Variants in CSMD3 observed in about 807,000 individuals in gnomAD.
The protein encoded by CSMD3 is CUB and sushi domain-containing protein 3.
A neutral mutation model predicts 435.2 loss-of-function variants in CSMD3; 177 were observed. The ratio of observed to expected loss-of-function variants is 0.41; its 90% CI spans 0.36 to 0.46. The LOEUF is 0.46. Among genes scored for constraint, CSMD3 ranks in the 20% least tolerant of loss-of-function variants. The pLI, the probability that CSMD3 is intolerant of heterozygous loss-of-function variation, is 0.34. For synonymous variants in CSMD3, 1,656 were observed against 1,520.5 expected, an observed-to-expected ratio of 1.09 and a Z score of -2.07; for missense variants, 4,265 against 4,504.6, an observed-to-expected ratio of 0.95 and a Z score of 1.52.
intron 7 of CSMD3, among the ~76,000 whole-genome samples, chr8:112,956,510 C>T (rs981509787): frequency 1.3e-5 from 2 of 152,038 alleles, no homozygotes; most frequent in African/African-American, 4.8e-5. Flanking sequence ...CTTTTCTCTG[C>T]ATTATAAGAT....
chr8:113,207,389 T>C (rs1005173123), intron 3 of CSMD3, among the ~76,000 whole-genome samples: 1 of 151,292 alleles, frequency 6.6e-6, no homozygotes, highest in Non-Finnish European at 1.5e-5. Context: ...ATTTTTCTTT[T>C]TTTTTTTTTT....
chr8:113,417,950 A>C (rs1290128804), intron 1 of CSMD3, among the ~76,000 whole-genome samples: 1 of 152,118 alleles, frequency 6.6e-6, no homozygotes, highest in Non-Finnish European at 1.5e-5. Context: ...ACCTAATAAA[A>C]ATAAAATAAT....
intron 47 of CSMD3, among the ~76,000 whole-genome samples, chr8:112,315,909 A>G (rs1822413467): frequency 6.6e-6 from 1 of 151,820 alleles, no homozygotes; most frequent in Non-Finnish European, 1.5e-5. Context: ...ATGAGTTGGG[A>G]TTGAAAACTA....
chr8:113,236,288 A>G (rs2093148184), intron 3 of CSMD3, among the ~76,000 whole-genome samples: 1 of 152,172 alleles, frequency 6.6e-6, no homozygotes, highest in Non-Finnish European at 1.5e-5. Context: ...CCCTTAAGGC[A>G]CTAGCTGCTG....
chr8:112,422,517 C>T (rs1236807872), intron 32 of CSMD3, among the ~76,000 whole-genome samples: 1 of 152,130 alleles, frequency 6.6e-6, no homozygotes, highest in African/African-American at 2.4e-5. Flanking sequence ...TGCATTTCTA[C>T]AAACCCAGAT....
chr8:112,355,636 A>T (rs1448737584), intron 38 of CSMD3, among the ~76,000 whole-genome samples: 2 of 152,086 alleles, frequency 1.3e-5, no homozygotes, highest in Non-Finnish European at 2.9e-5. Context: ...GATTGAGACC[A>T]TCCTGGCTAA....
At chr8:112,814,224 G>C (rs2079308546) in intron 12 of CSMD3, among the ~76,000 whole-genome samples, 1 of 152,150 alleles carries the variant, frequency 6.6e-6, no homozygotes. Flanking sequence ...TCACTAGGGA[G>C]AATGATTGAA....
At chr8:112,310,945 T>C (rs1287073407) in intron 50 of CSMD3, 33 bp downstream of exon 50, 2 of 1,568,704 alleles carry the variant, frequency 1.3e-6, no homozygotes, top group Non-Finnish European at 1.8e-6. Context: ...CTCACATTCA[T>C]GTTTTTGTTC....
At chr8:112,690,753 C>A (rs758689822) in intron 13 of CSMD3, among the ~76,000 whole-genome samples, 3 of 151,996 alleles carry the variant, frequency 2.0e-5, no homozygotes, top group Non-Finnish European at 4.4e-5. Flanking sequence ...TCCAAAGAAA[C>A]TTCAAATATC....
At chr8:113,312,174 T>C (rs1225689470) in intron 2 of CSMD3, 1 of 152,166 alleles carries the variant, frequency 6.6e-6, no homozygotes, top group Non-Finnish European at 1.5e-5. Flanking sequence ...ATCTGAATTG[T>C]AATGATAGTT....
At chr8:113,431,319 G>C (rs2094671478) in intron 1 of CSMD3, among the ~76,000 whole-genome samples, 1 of 152,190 alleles carries the variant, frequency 6.6e-6, no homozygotes, top group African/African-American at 2.4e-5. Flanking sequence ...GGGAAAAATA[G>C]CTAAAGCTAT....
intron 61 of CSMD3, among the ~76,000 whole-genome samples, chr8:112,263,115 A>C (rs1816583037): frequency 6.7e-6 from 1 of 148,574 alleles, no homozygotes; most frequent in Non-Finnish European, 1.5e-5. Flanking sequence ...CTTGCTAGGT[A>C]TATAGTATAC....
intron 3 of CSMD3, among the ~76,000 whole-genome samples, chr8:113,272,137 T>C (rs911767291): frequency 4.6e-5 from 7 of 152,148 alleles, no homozygotes; most frequent in African/African-American, 1.7e-4. Context: ...GGCTCATAGG[T>C]GCAAGCGACT....
intron 16 of CSMD3, among the ~76,000 whole-genome samples, chr8:112,667,977 A>C (rs1427802218): frequency 6.6e-6 from 1 of 152,178 alleles, no homozygotes; most frequent in African/African-American, 2.4e-5. Context: ...AACTTGATGG[A>C]ACCCAAATGA....
intron 45 of CSMD3, among the ~76,000 whole-genome samples, chr8:112,329,380 G>C (rs1823818201): frequency 6.6e-6 from 1 of 152,118 alleles, no homozygotes; most frequent in African/African-American, 2.4e-5. Flanking sequence ...GCCAACATTA[G>C]TGAATAGTAT....
In CSMD3 at chr8:112,341,551, G is replaced by T. The variant is rs2130991848; in HGVS notation, c.6578C>A (p.Thr2193Asn). ...GPQIPSSLFS[T>N]THETSLYFHS... The stretch of plus-strand genomic sequence containing the variant: ...AAAATATAAGCTGGTTTCATGGGTG[G>T]TGCTGAATAAGGAAGATGGTATTTG... The change falls in exon 42 of 71, where the codon ACC becomes AAC. Residue 2193 changes from threonine to asparagine, a missense_variant. By Grantham distance (65) the Thr-to-Asn change is moderately conservative. Around this residue, in one of 3 missense-constraint regions of CSMD3, gnomAD observed 3,255 missense variants for 3,380.2 expected, o/e 0.96. Coordinates refer to ENST00000297405, the MANE Select transcript of CSMD3 (RefSeq NM_198123.2). 3 of 1,613,320 alleles carry T rather than the reference G, an allele frequency of 1.9e-6. No homozygotes were observed. Among genetic ancestry groups the T allele is most frequent in the Non-Finnish European group, 2.5e-6 (3 of 1,179,420 alleles).
At chr8:112,790,755 C>T (rs1454632037) in intron 13 of CSMD3, among the ~76,000 whole-genome samples, 1 of 152,232 alleles carries the variant, frequency 6.6e-6, no homozygotes, top group East Asian at 1.9e-4. Context: ...TTCTCTTCTA[C>T]TTACTCATTT....
At chr8:112,793,975 T>C (rs1448066425) in intron 13 of CSMD3, among the ~76,000 whole-genome samples, 4 of 152,166 alleles carry the variant, frequency 2.6e-5, no homozygotes. Context: ...TTCATTTAGT[T>C]GAGAGGCTAA....
At chr8:112,440,090 C>T (rs1319421155) in intron 32 of CSMD3, among the ~76,000 whole-genome samples, 1 of 152,116 alleles carries the variant, frequency 6.6e-6, no homozygotes, top group African/African-American at 2.4e-5. Context: ...TGAATCAAGG[C>T]AAGTCCCTTC....
Sources: gnomAD v4.1 joint callset for allele counts (sites outside exome capture counted in the v4.1 genomes callset) on GRCh38, gnomAD v4.1.1 for gene constraint, gnomAD v4.1.1 regional missense constraint, MANE v1.5 for transcripts, NCBI Gene and HGNC (gene_info 2026-07-23, HGNC 2026-07-21) for gene names.